Variants in SEC24D observed in about 807,000 individuals in gnomAD.
The protein encoded by SEC24D is SEC24 homolog D, COPII component.
In SEC24D, 69 loss-of-function variants were observed where a neutral mutation model predicts 116.9. That is an observed-to-expected ratio of 0.59 (90% CI 0.49 to 0.72). The LOEUF (loss-of-function observed/expected upper bound fraction) is 0.72, where lower values mean the gene tolerates loss of function less well. Among genes scored for constraint, SEC24D ranks in the 30% least tolerant of loss-of-function variants. SEC24D has a pLI of 0.00. For synonymous variants in SEC24D, 405 were observed against 442.8 expected, an observed-to-expected ratio of 0.91 and a Z score of 1.07; for missense variants, 1,131 against 1,264.1, an observed-to-expected ratio of 0.89 and a Z score of 1.60.
rs527897389 is a variant in SEC24D, at chr4:118,836,058, C to T, written c.-159G>A. On this transcript the variant is annotated 5_prime_UTR_variant, in exon 1 of 23. Transcript: ENST00000280551. ...CGCTTCTCCCGCCGCGCCTCTTCCC[C>T]GGCCGGCGTCCCCTTAGCCTGGACT... The T allele has an allele frequency of 8.5e-3, 1,300 of 152,352 alleles. 8 individuals are homozygous for T. The highest frequency in any genetic ancestry group is 0.013 in the Non-Finnish European group (874 of 68,074). The allele number at this position is 152,352 out of a possible 1,614,324, so 9.4% of individuals were successfully genotyped here.
At chr4:118,746,965 G>A (rs1333759197) in intron 13 of SEC24D, among the ~76,000 whole-genome samples, 1 of 151,984 alleles carries the variant, frequency 6.6e-6, no homozygotes, top group Non-Finnish European at 1.5e-5. Context: ...CTCTGCTATG[G>A]CCAGTAGTGA....
chr4:118,766,628 T>C (rs1727655839), intron 9 of SEC24D: 1 of 152,108 alleles, frequency 6.6e-6, no homozygotes, highest in Admixed American at 6.6e-5. Context: ...GCCGACACTT[T>C]GGGTAGGAGG....
intron 13 of SEC24D, among the ~76,000 whole-genome samples, chr4:118,749,950 CATT>C (rs1441681826): frequency 1.3e-5 from 2 of 152,150 alleles, no homozygotes; most frequent in East Asian, 1.9e-4. Flanking sequence ...TTTGTAAGAA[CATT>C]ATTATACTAC....
At chr4:118,765,723 A>T (rs1727610279) in intron 9 of SEC24D, among the ~76,000 whole-genome samples, 1 of 152,138 alleles carries the variant, frequency 6.6e-6, no homozygotes, top group South Asian at 2.1e-4. Flanking sequence ...TAAAAACCAT[A>T]CAAATAATGC....
intron 8 of SEC24D, among the ~76,000 whole-genome samples, chr4:118,784,259 TAC>T (rs1180566294): frequency 3.3e-5 from 5 of 152,146 alleles, no homozygotes; most frequent in Non-Finnish European, 5.9e-5. Context: ...GAGAAATAAA[TAC>T]ATTTATATAT....
intron 8 of SEC24D, among the ~76,000 whole-genome samples, chr4:118,792,759 G>A (rs1450463456): frequency 1.3e-5 from 2 of 152,106 alleles, no homozygotes; most frequent in Non-Finnish European, 2.9e-5. Flanking sequence ...ACTGCGGAAG[G>A]CGGCAGGGCC....
intron 17 of SEC24D, among the ~76,000 whole-genome samples, chr4:118,740,455 T>C (rs553866751): frequency 1.3e-5 from 2 of 152,168 alleles, no homozygotes; most frequent in Non-Finnish European, 2.9e-5. Flanking sequence ...CAATGACACA[T>C]AATTGTCACT....
At chr4:118,733,573 T>C (rs974533330) in intron 19 of SEC24D, among the ~76,000 whole-genome samples, 4 of 152,168 alleles carry the variant, frequency 2.6e-5, no homozygotes, top group African/African-American at 9.7e-5. Flanking sequence ...TAAGGCATAG[T>C]CCATGTTGTA....
intron 6 of SEC24D, among the ~76,000 whole-genome samples, chr4:118,810,234 G>A (rs1482081744): frequency 1.3e-5 from 2 of 151,976 alleles, no homozygotes; most frequent in African/African-American, 2.4e-5. Flanking sequence ...CCGTAGCCAT[G>A]ACATGATCTG....
chr4:118,793,691 G>T (rs907119147), intron 8 of SEC24D, among the ~76,000 whole-genome samples: 1 of 152,194 alleles, frequency 6.6e-6, no homozygotes, highest in Non-Finnish European at 1.5e-5. Context: ...CTTATTTTTT[G>T]ACTTCTAAGT....
intron 11 of SEC24D, among the ~76,000 whole-genome samples, chr4:118,755,955 G>A (rs1378470981): frequency 1.3e-5 from 2 of 151,960 alleles, no homozygotes; most frequent in East Asian, 3.9e-4. Context: ...GTGCTCCAAT[G>A]GTACATAAAG....
In SEC24D at chr4:118,815,509, C is replaced by T; in HGVS notation, c.615G>A (p.Gln205=). The change falls in exon 5 of 23, where the codon CAG becomes CAA. Residue 205 remains glutamine, a synonymous_variant. Coordinates refer to ENST00000280551, the MANE Select transcript of SEC24D (RefSeq NM_014822.4). ...GLSGPPPPNA[Q]YQPPPLPGQT... ...GGCCTGGAAGAGGTGGGGGCTGGTA[C>T]TGGGCATTTGGAGGAGGAGGCCCAG... The T allele has an allele frequency of 6.2e-7, 1 of 1,614,200 alleles. No individual in the cohort carries two copies. Among genetic ancestry groups the T allele is most frequent in the Non-Finnish European group, 8.5e-7 (1 of 1,180,028 alleles).
chr4:118,746,487 A>G (rs1726542711), intron 13 of SEC24D, among the ~76,000 whole-genome samples: 1 of 152,100 alleles, frequency 6.6e-6, no homozygotes, highest in Admixed American at 6.6e-5. Context: ...AGGTCACACA[A>G]ACAGTAAATG....
At chr4:118,805,718 C>G in intron 7 of SEC24D, 125 bp downstream of exon 7, 2 of 560,914 alleles carry the variant, frequency 3.6e-6, no homozygotes, top group Non-Finnish European at 6.1e-6. Flanking sequence ...TAACAGAGAA[C>G]TGATTATCAG....
intron 6 of SEC24D, among the ~76,000 whole-genome samples, chr4:118,807,195 TCCCATGTGGTTTTTGCC>T (rs1161197117): frequency 6.6e-5 from 10 of 152,158 alleles, no homozygotes; most frequent in Non-Finnish European, 1.2e-4. Flanking sequence ...TATAAAGCAA[TCCCATGTGGTTTTTGCC>T]CGCTGCAGAG....
chr4:118,800,309 T>C (rs1333857292), intron 7 of SEC24D, among the ~76,000 whole-genome samples: 1 of 152,250 alleles, frequency 6.6e-6, no homozygotes, highest in Admixed American at 6.5e-5. Flanking sequence ...TTTATGGTCC[T>C]GAGCTTAAAC....
In SEC24D at chr4:118,780,919, T is replaced by C. The variant is rs1209224157; in HGVS notation, c.1042-12608A>G. ...ATTGCAACCCCTGCTTTTTTTTTTT[T>C]TTTTTTTTTTTTTGCTTTCCATTTG... On this transcript the variant is annotated intron_variant, in intron 8 of 22. Coordinates refer to ENST00000280551, the MANE Select transcript of SEC24D (RefSeq NM_014822.4). 2.1e-5 allele frequency among the ~76,000 whole-genome samples: 3 copies of C among 144,938 alleles called. No homozygotes were observed. In the East Asian group the frequency reaches 6.0e-4, roughly 29 times the overall value.
intron 8 of SEC24D, among the ~76,000 whole-genome samples, chr4:118,774,194 T>C (rs192940021): frequency 1.1e-3 from 165 of 152,230 alleles, no homozygotes; most frequent in African/African-American, 3.8e-3. Context: ...TGTTTTCCTT[T>C]TTTTCTTTGA....
intron 13 of SEC24D, among the ~76,000 whole-genome samples, chr4:118,745,888 C>T (rs1726496270): frequency 6.6e-6 from 1 of 152,046 alleles, no homozygotes; most frequent in Non-Finnish European, 1.5e-5. Flanking sequence ...CTTATGAATC[C>T]TGAAGAGCTG....
Sources: allele counts gnomAD v4.1 joint callset (sites outside exome capture counted in the v4.1 genomes callset), GRCh38; gene constraint gnomAD v4.1.1; transcripts MANE v1.5; gene names NCBI Gene and HGNC (gene_info 2026-07-23, HGNC 2026-07-21).